MGAT4A: variants seen among roughly 807,000 people sequenced by gnomAD.
MGAT4A encodes alpha-1,3-mannosyl-glycoprotein 4-beta-N-acetylglucosaminyltransferase A.
Under a neutral mutation model 74.1 loss-of-function variants are expected in MGAT4A, and 33 were observed. The ratio of observed to expected loss-of-function variants is 0.45; its 90% CI spans 0.34 to 0.60. MGAT4A has a LOEUF of 0.60. Among genes scored for constraint, MGAT4A ranks in the 20% least tolerant of loss-of-function variants. MGAT4A has a pLI of 0.02. For synonymous variants in MGAT4A, 198 were observed against 210.4 expected, an observed-to-expected ratio of 0.94 and a Z score of 0.51; for missense variants, 479 against 628.3, an observed-to-expected ratio of 0.76 and a Z score of 2.54.
intron 10 of MGAT4A, 41 bp from the exon 11 acceptor site, chr2:98,640,269 G>C: frequency 6.7e-7 from 1 of 1,496,018 alleles, no homozygotes; most frequent in Non-Finnish European, 9.2e-7. Flanking sequence ...GCATCATAAA[G>C]TGAAATCTTG....
At chr2:98,632,262 C>T (rs994992650) in intron 14 of MGAT4A, among the ~76,000 whole-genome samples, 1 of 152,200 alleles carries the variant, frequency 6.6e-6, no homozygotes, top group Non-Finnish European at 1.5e-5. Context: ...CCCCTAGACA[C>T]TGCCATGGGG....
intron 10 of MGAT4A, among the ~76,000 whole-genome samples, chr2:98,642,011 A>C (rs1701418852): frequency 6.6e-6 from 1 of 151,908 alleles, no homozygotes; most frequent in Non-Finnish European, 1.5e-5. Context: ...AAAAAAAAAA[A>C]GAAATTTACA....
At chr2:98,672,007 C>T (rs1312129051) in intron 4 of MGAT4A, among the ~76,000 whole-genome samples, 1 of 150,474 alleles carries the variant, frequency 6.6e-6, no homozygotes, top group Non-Finnish European at 1.5e-5. Flanking sequence ...GAACACACCC[C>T]TCTTGACAAC....
At chr2:98,681,320 G>A (rs1228502991) in intron 2 of MGAT4A, among the ~76,000 whole-genome samples, 7 of 152,092 alleles carry the variant, frequency 4.6e-5, no homozygotes. Flanking sequence ...TTTTGAACTT[G>A]ATGTATAATT....
chr2:98,637,906 C>T (rs1701347477), intron 12 of MGAT4A, among the ~76,000 whole-genome samples: 2 of 152,230 alleles, frequency 1.3e-5, no homozygotes, highest in South Asian at 4.1e-4. Flanking sequence ...CAGCGGTGGG[C>T]CAGTAGATAT....
intron 2 of MGAT4A, among the ~76,000 whole-genome samples, chr2:98,680,968 A>C (rs1702050735): frequency 6.6e-6 from 1 of 151,754 alleles, no homozygotes; most frequent in Non-Finnish European, 1.5e-5. Context: ...TCAATTCAGT[A>C]TCCTTTTTTG....
At chr2:98,676,300 T>C (rs1353041559) in intron 3 of MGAT4A, among the ~76,000 whole-genome samples, 1 of 152,190 alleles carries the variant, frequency 6.6e-6, no homozygotes, top group Non-Finnish European at 1.5e-5. Context: ...ACCTATGAAA[T>C]TAGCAGATTA....
chr2:98,644,038 G>A lies in MGAT4A; in HGVS notation c.905C>T (p.Ala302Val), dbSNP rs201339305. 8.0e-5 allele frequency: 127 copies of A among 1,584,404 alleles called. No homozygotes were observed. The highest frequency in any genetic ancestry group is 2.4e-4 in the African/African-American group (18 of 74,232). ...TTCTACAATCAGAGTAAGATCCGGC[G>A]CTTGAAACATTTTACCTGAAAAGAT... is the stretch of plus-strand genomic sequence containing the variant. ...QLGFIGKMFQ[A>V]PDLTLIVEFI... The change falls in exon 10 of 16, where the codon GCG (alanine) becomes GTG (valine). Residue 302 changes from alanine to valine, a missense_variant. Physicochemically the swap from Ala to Val is moderately conservative, Grantham distance 64. This residue lies in a region of MGAT4A where 236 missense variants were observed against 308.2 expected (regional missense o/e 0.77). Coordinates refer to ENST00000393487, the MANE Select transcript of MGAT4A (RefSeq NM_012214.3).
At chr2:98,682,890 C>G (rs1702081292) in intron 2 of MGAT4A, among the ~76,000 whole-genome samples, 1 of 151,878 alleles carries the variant, frequency 6.6e-6, no homozygotes, top group East Asian at 1.9e-4. Flanking sequence ...TCGAGACCAT[C>G]CTGGCTAACA....
At chr2:98,699,085 G>A (rs556619333) in intron 2 of MGAT4A, among the ~76,000 whole-genome samples, 61 of 152,260 alleles carry the variant, frequency 4.0e-4, no homozygotes, top group Admixed American at 8.5e-4. Flanking sequence ...AAAGACACAC[G>A]GAGAGAAGTT....
chr2:98,675,119 T>A lies in MGAT4A; in HGVS notation c.319A>T (p.Ser107Cys). ...AAATGAGGCAAATGATAATAAATAC[T>A]TGGCACTTGAAGAGATTTTTTGCTT... is the stretch of plus-strand genomic sequence containing the variant. ...LTSKKSLQVP[S>C]IYYHLPHLLK... The change falls in exon 4 of 16, where the codon AGT becomes TGT. Residue 107 changes from serine (S) to cysteine (C), a missense_variant. By Grantham distance (112) the Ser-to-Cys change is moderately radical. Coordinates refer to ENST00000393487, the MANE Select transcript of MGAT4A (RefSeq NM_012214.3). The A allele has an allele frequency of 6.2e-7, 1 of 1,612,842 alleles. No individual in the cohort carries two copies. The highest frequency in any genetic ancestry group is 1.3e-5 in the African/African-American group (1 of 75,018).
At chr2:98,680,441 AAC>A (rs1400587383) in intron 2 of MGAT4A, among the ~76,000 whole-genome samples, 2 of 152,244 alleles carry the variant, frequency 1.3e-5, no homozygotes. Context: ...CAGTCTTAAT[AAC>A]ACTCAATTAT....
At chr2:98,663,595 C>A (rs1022041484) in intron 4 of MGAT4A, 1 of 604,352 alleles carries the variant, frequency 1.7e-6, no homozygotes, top group Admixed American at 4.1e-5. Flanking sequence ...CAATGCATAA[C>A]CTCAACTTAA....
In MGAT4A at chr2:98,725,668, C is replaced by T. The variant is rs1029371279; in HGVS notation, c.94+571G>A. 2.7e-5 allele frequency among the ~76,000 whole-genome samples: 4 copies of T among 150,564 alleles called. No individual in the cohort carries two copies. The East Asian group carries it at 7.8e-4, about 29-fold the overall frequency. On this transcript the variant is annotated intron_variant, in intron 2 of 15. Transcript: ENST00000393487. ...CCATTATCCTAAAATTATATAAACA[C>T]GGTTCAACAGTCTAAACATAATTAA...
intron 2 of MGAT4A, among the ~76,000 whole-genome samples, chr2:98,714,742 T>C (rs1008696117): frequency 6.6e-6 from 1 of 152,008 alleles, no homozygotes; most frequent in African/African-American, 2.4e-5. Flanking sequence ...GCTCTAAAAA[T>C]GATGGAGACT....
At position 98,624,327 on chromosome 2, in the gene MGAT4A, T is replaced by C. The variant is rs1701111722; in HGVS notation, c.*1239A>G. ...GCGCCTGGTGATAATTCATCATTTTTTAAAAGTACTTTTATAAAGATCACT... is the reference window on the plus strand; with the variant it reads ...GCGCCTGGTGATAATTCATCATTTTCTAAAAGTACTTTTATAAAGATCACT... On this transcript the variant is annotated 3_prime_UTR_variant, in exon 16 of 16. Transcript: ENST00000393487. The C allele has an allele frequency of 3.1e-6, 3 of 974,492 alleles. No individual in the cohort carries two copies. Among genetic ancestry groups the C allele is most frequent in the Non-Finnish European group, 3.7e-6 (3 of 819,952 alleles). The allele number at this position is 974,492 out of a possible 1,614,324, so 60.4% of individuals were successfully genotyped here.
At chr2:98,718,249 CA>C (rs1559176466) in intron 2 of MGAT4A, among the ~76,000 whole-genome samples, 1 of 152,188 alleles carries the variant, frequency 6.6e-6, no homozygotes, top group Non-Finnish European at 1.5e-5. Context: ...CAGTACTTTA[CA>C]ATCATGGTGC....
intron 6 of MGAT4A, among the ~76,000 whole-genome samples, chr2:98,656,867 C>A (rs1041945214): frequency 6.6e-6 from 1 of 151,972 alleles, no homozygotes; most frequent in Non-Finnish European, 1.5e-5. Context: ...TTTGCAAAAA[C>A]CAAAGCTCTT....
intron 2 of MGAT4A, among the ~76,000 whole-genome samples, chr2:98,686,236 A>T (rs79506616): frequency 2.4e-4 from 36 of 152,342 alleles, no homozygotes; most frequent in African/African-American, 8.4e-4. Context: ...GCTCATAGAT[A>T]TACAGGATCA....
Sources: allele counts gnomAD v4.1 joint callset (sites outside exome capture counted in the v4.1 genomes callset), GRCh38; gene constraint gnomAD v4.1.1; regional missense constraint gnomAD v4.1.1; transcripts MANE v1.5; gene names NCBI Gene and HGNC (gene_info 2026-07-23, HGNC 2026-07-21).